KCNQ3: variants seen among roughly 807,000 people sequenced by gnomAD.
KCNQ3 encodes potassium voltage-gated channel subfamily KQT member 3.
KCNQ3 carries 30 observed loss-of-function variants against 92.5 expected under a neutral mutation model. The ratio of observed to expected loss-of-function variants is 0.32; its 90% CI spans 0.24 to 0.44. The LOEUF (loss-of-function observed/expected upper bound fraction) is 0.44. Among genes scored for constraint, KCNQ3 ranks in the 20% least tolerant of loss-of-function variants. The pLI is 1.00. For missense variants in KCNQ3, 913 were observed against 1,140.3 expected, an observed-to-expected ratio of 0.80 and a Z score of 2.87; for synonymous variants, 450 against 468.8, an observed-to-expected ratio of 0.96 and a Z score of 0.52.
At chr8:132,455,834 C>T (rs1327694787) in intron 1 of KCNQ3, among the ~76,000 whole-genome samples, 2 of 152,184 alleles carry the variant, frequency 1.3e-5, no homozygotes, top group South Asian at 4.1e-4. Context: ...CTCCGCCTCC[C>T]GAGTTCACGC....
chr8:132,383,104 T>TTG (rs918074410), intron 1 of KCNQ3, among the ~76,000 whole-genome samples: 51 of 152,278 alleles, frequency 3.3e-4, no homozygotes, highest in African/African-American at 1.0e-3. Context: ...GGTCCACAGC[T>TTG]GAAAATGCCC....
At chr8:132,159,284 G>C (rs529144014) in intron 9 of KCNQ3, among the ~76,000 whole-genome samples, 27 of 152,112 alleles carry the variant, frequency 1.8e-4, no homozygotes, top group Non-Finnish European at 3.8e-4. Flanking sequence ...TTGTCTACTT[G>C]ATGTTTCGTC....
chr8:132,182,615 G>A (rs1393421525), intron 3 of KCNQ3, among the ~76,000 whole-genome samples: 1 of 152,250 alleles, frequency 6.6e-6, no homozygotes, highest in Admixed American at 6.5e-5. Context: ...CTGTCGGGAT[G>A]TTCTCAAACT....
intron 1 of KCNQ3, among the ~76,000 whole-genome samples, chr8:132,464,281 C>T (rs1211290822): frequency 6.6e-6 from 1 of 152,182 alleles, no homozygotes; most frequent in Non-Finnish European, 1.5e-5. Flanking sequence ...AAGTGGTTTA[C>T]TCAAGGTTAC....
chr8:132,130,905 C>T (rs996726733), intron 14 of KCNQ3, among the ~76,000 whole-genome samples: 3 of 152,148 alleles, frequency 2.0e-5, no homozygotes, highest in South Asian at 2.1e-4. Flanking sequence ...CACAACTCAC[C>T]AGGAAACACT....
intron 1 of KCNQ3, among the ~76,000 whole-genome samples, chr8:132,383,539 G>A (rs1819810391): frequency 6.6e-6 from 1 of 152,128 alleles, no homozygotes; most frequent in Non-Finnish European, 1.5e-5. Flanking sequence ...AGATGGTTTG[G>A]GGTCCCCACC....
intron 1 of KCNQ3, among the ~76,000 whole-genome samples, chr8:132,252,121 G>GAA (rs1168923617): frequency 1.3e-5 from 2 of 152,126 alleles, no homozygotes; most frequent in Non-Finnish European, 1.5e-5. Context: ...TGAAGCCTCT[G>GAA]GGGATGCCCT....
Position 132,129,402 on chromosome 8 carries a change from T to A in KCNQ3, c.2479A>T (p.Met827Leu). The A allele has an allele frequency of 6.2e-7, 1 of 1,614,180 alleles. No homozygotes were observed. Among genetic ancestry groups the A allele is most frequent in the South Asian group, 1.1e-5 (1 of 91,080 alleles). ...TCGGCGAGGTACCGCTTCTCCCTCATCCAGCTCGACCCCCCATTGGGGCCG... is the reference window on the plus strand; with the variant it reads ...TCGGCGAGGTACCGCTTCTCCCTCAACCAGCTCGACCCCCCATTGGGGCCG... Reference protein sequence around the residue: ...VFGPNGGSSWMREKRYLAEGE... With the variant: ...VFGPNGGSSWLREKRYLAEGE... The change falls in exon 15 of 15, where the codon ATG becomes TTG. Residue 827 changes from methionine (M) to leucine (L), a missense_variant. By Grantham distance (15) the Met-to-Leu change is conservative. This residue lies in a region of KCNQ3 where 375 missense variants were observed against 376.4 expected (regional missense o/e 1.00). Coordinates refer to ENST00000388996, the MANE Select transcript of KCNQ3 (RefSeq NM_004519.4). The surrounding 1 kb of genome is among the most constrained non-coding windows in gnomAD (Gnocchi z 5.9).
In KCNQ3 at chr8:132,129,927, C is replaced by G. The variant is rs1488002666; in HGVS notation, c.1954G>C (p.Val652Leu). The G allele has an allele frequency of 1.9e-6, 3 of 1,614,018 alleles. No homozygotes were observed. Among genetic ancestry groups the G allele is most frequent in the Non-Finnish European group, 2.5e-6 (3 of 1,180,032 alleles). ...GTTGGGTAATACTCCGTGACCTGCA[C>G]CTGCAACCGTTCCATGTGTTGCATG... ...MHMQHMERLQ[V>L]QVTEYYPTKG... Residue 652 changes from valine (V) to leucine (L), a missense_variant, in exon 15 of 15, where the codon GTG (valine) becomes CTG (leucine). Val to Leu is a conservative substitution (Grantham distance 32). This residue lies in a region of KCNQ3 where 375 missense variants were observed against 376.4 expected (regional missense o/e 1.00). Transcript: ENST00000388996. This position sits in a 1 kb window ranked among gnomAD's most constrained non-coding sequence, Gnocchi z 5.9.
Position 132,134,271 on chromosome 8 carries a change from C to A in KCNQ3, c.1799+19G>T, listed in dbSNP as rs1338090857. 1 of 1,595,128 alleles carries A rather than the reference C, an allele frequency of 6.3e-7. No individual in the cohort carries two copies. Among genetic ancestry groups the A allele is most frequent in the Non-Finnish European group, 8.6e-7 (1 of 1,163,254 alleles). On this transcript the variant is annotated intron_variant, in intron 13 of 14. Transcript: ENST00000388996. Reference sequence around the variant, plus strand: ...AACTTTGCACCCCTGGCCCATCAGTCCATGTCCACTGGCCCCACCTGGGAG... The same window carrying A: ...AACTTTGCACCCCTGGCCCATCAGTACATGTCCACTGGCCCCACCTGGGAG...
intron 1 of KCNQ3, among the ~76,000 whole-genome samples, chr8:132,193,349 C>A (rs62519624): frequency 0.068 from 10,392 of 152,286 alleles, 508 homozygotes; most frequent in African/African-American, 0.12. Context: ...GGAACTGACA[C>A]AAGGAAGCCT....
At chr8:132,183,894 T>C (rs1428824077) in intron 3 of KCNQ3, among the ~76,000 whole-genome samples, 1 of 152,178 alleles carries the variant, frequency 6.6e-6, no homozygotes, top group Non-Finnish European at 1.5e-5. Flanking sequence ...TATGGGTAAC[T>C]TTGATTGTCA....
rs1289523204 is a variant in KCNQ3, at chr8:132,129,495, T to C, written c.2386A>G (p.Asn796Asp). Residue 796 changes from asparagine (N) to aspartate (D), a missense_variant, in exon 15 of 15, where the codon AAC becomes GAC. Asn to Asp is a conservative substitution (Grantham distance 23, BLOSUM62 1). Coordinates refer to ENST00000388996, the MANE Select transcript of KCNQ3 (RefSeq NM_004519.4). This position sits in a 1 kb window ranked among gnomAD's most constrained non-coding sequence, Gnocchi z 5.9. ...SDTPLSLMSVNHEELERSPSG... is the reference protein window; with the variant it reads ...SDTPLSLMSVDHEELERSPSG... ...GGAGACCTCTCCAGCTCCTCGTGGTTGACCGACATCAGGGACAGAGGTGTG... is the reference window on the plus strand; with the variant it reads ...GGAGACCTCTCCAGCTCCTCGTGGTCGACCGACATCAGGGACAGAGGTGTG... 25 of 1,614,110 alleles carry C rather than the reference T, an allele frequency of 1.5e-5. No individual in the cohort carries two copies. In the Admixed American group the frequency reaches 4.0e-4, roughly 26 times the overall value.
chr8:132,380,934 A>G (rs1202305799), intron 1 of KCNQ3, among the ~76,000 whole-genome samples: 8 of 87,234 alleles, frequency 9.2e-5, no homozygotes, highest in African/African-American at 6.4e-4. Context: ...GAAAGCAGAA[A>G]AAAAAAAAAA....
intron 1 of KCNQ3, among the ~76,000 whole-genome samples, chr8:132,250,991 G>A (rs1815389740): frequency 6.6e-6 from 1 of 152,192 alleles, no homozygotes; most frequent in Admixed American, 6.5e-5. Flanking sequence ...GGGCACCATG[G>A]CTTATGCCTG....
In KCNQ3 at chr8:132,167,639, A is replaced by G. The variant is rs551428877; in HGVS notation, c.1235+2695T>C. ...TTGCTTCAGAATGGTTGCTAAATGAATTTCTCTAGGGACATTATACTTTCG... is the reference window on the plus strand; with the variant it reads ...TTGCTTCAGAATGGTTGCTAAATGAGTTTCTCTAGGGACATTATACTTTCG... On this transcript the variant is annotated intron_variant, in intron 8 of 14. Coordinates refer to ENST00000388996, the MANE Select transcript of KCNQ3 (RefSeq NM_004519.4). 1.1e-4 allele frequency among the ~76,000 whole-genome samples: 17 copies of G among 152,326 alleles called. No homozygotes were observed. In the South Asian group the frequency reaches 1.7e-3, roughly 15 times the overall value.
intron 1 of KCNQ3, among the ~76,000 whole-genome samples, chr8:132,469,051 A>G (rs1402947920): frequency 6.6e-6 from 1 of 152,230 alleles, no homozygotes; most frequent in East Asian, 1.9e-4. Context: ...GACATCTGCA[A>G]AATCAGAGGG....
intron 1 of KCNQ3, among the ~76,000 whole-genome samples, chr8:132,228,525 A>G (rs1399458808): frequency 6.6e-6 from 1 of 152,222 alleles, no homozygotes; most frequent in African/African-American, 2.4e-5. Context: ...AGAGTTTTAG[A>G]TTAATTACTA....
chr8:132,472,111 CAG>C (rs1259455307), intron 1 of KCNQ3, among the ~76,000 whole-genome samples: 1 of 152,032 alleles, frequency 6.6e-6, no homozygotes, highest in African/African-American at 2.4e-5. Context: ...CAAAAAATAA[CAG>C]ATGCTGATGG....
Sources: gnomAD v4.1 joint callset for allele counts (sites outside exome capture counted in the v4.1 genomes callset) on GRCh38, gnomAD v4.1.1 for gene constraint, gnomAD v4.1.1 regional missense constraint, Gnocchi (gnomAD v3.1) non-coding constraint, MANE v1.5 for transcripts, NCBI Gene and HGNC (gene_info 2026-07-23, HGNC 2026-07-21) for gene names.